Variants in IL17RC observed in about 807,000 individuals in gnomAD.
IL17RC encodes interleukin-17 receptor C.
In IL17RC, 53 loss-of-function variants were observed where a neutral mutation model predicts 86.7. The ratio of observed to expected loss-of-function variants is 0.61; its 90% confidence interval spans 0.49 to 0.77. IL17RC has a LOEUF of 0.77. Ranked by LOEUF, IL17RC falls within the 30% of genes least tolerant of loss-of-function variation. The pLI is 0.00. For missense variants in IL17RC, 957 were observed against 940.0 expected (o/e 1.02, Z -0.24); for synonymous variants, 439 against 413.1 (o/e 1.06, Z -0.76).
In IL17RC at chr3:9,917,269, G is replaced by C. The variant is rs776956738; in HGVS notation, c.-47G>C. ...CTGGGGTGTCTGCCCCCCTTGGGGG[G>C]GGGCAGCACAGGGCCTCAGGCCTGG... On this transcript the variant is annotated 5_prime_UTR_variant, in exon 1 of 19. Transcript: ENST00000403601. 190 of 1,501,174 alleles carry C rather than the reference G, an allele frequency of 1.3e-4. 1 individual carries two copies. The highest frequency in any genetic ancestry group is 1.7e-4 in the Non-Finnish European group (189 of 1,109,308). The allele number at this position is 1,501,174 out of a possible 1,614,324, so 93.0% of individuals were successfully genotyped here.
At chr3:9,931,502 T>TATATATATATATATATATAC (rs1306971037) in intron 16 of IL17RC, among the ~76,000 whole-genome samples, 2 of 145,134 alleles carry the variant, frequency 1.4e-5, no homozygotes, top group East Asian at 2.0e-4. Flanking sequence ...TATATATATA[T>TATATATATATATATATATAC]ACTTATTTTT....
Position 9,930,825 on chromosome 3 carries a change from C to A in IL17RC, c.1339-70C>A. 1 of 1,358,364 alleles carries A rather than the reference C, an allele frequency of 7.4e-7. No individual in the cohort carries two copies. The highest frequency in any genetic ancestry group is 1.1e-6 in the Non-Finnish European group (1 of 947,052). The allele number at this position is 1,358,364 out of a possible 1,614,324, so 84.1% of individuals were successfully genotyped here. On this transcript the variant is annotated intron_variant, in intron 15 of 18. Coordinates refer to ENST00000403601, the MANE Select transcript of IL17RC (RefSeq NM_153460.4). The surrounding 1 kb of genome is among the most constrained non-coding windows in gnomAD (Gnocchi z 5.8). ...TGATGCTGGGAATTTGGAGATCAGG[C>A]CACCAGAGCTTGGTGAATATTGGAA...
Position 9,930,255 on chromosome 3 carries a change from G to A in IL17RC, c.1278+106G>A. Reference sequence around the variant, plus strand: ...TGTGCCGGTCTCTGGGAACATGGGGGGTGACTCAGACCAGGGCCATATTCA... The same window carrying A: ...TGTGCCGGTCTCTGGGAACATGGGGAGTGACTCAGACCAGGGCCATATTCA... On this transcript the variant is annotated intron_variant, in intron 14 of 18. Transcript: ENST00000403601. This position sits in a 1 kb window ranked among gnomAD's most constrained non-coding sequence, Gnocchi z 5.8. 1 of 1,550,064 alleles carries A rather than the reference G, an allele frequency of 6.5e-7. No homozygotes were observed. Among genetic ancestry groups the A allele is most frequent in the Non-Finnish European group, 8.8e-7 (1 of 1,130,922 alleles).
intron 9 of IL17RC, 51 bp from the exon 10 acceptor site, chr3:9,928,115 C>T (rs1217536432): frequency 6.4e-7 from 1 of 1,571,182 alleles, no homozygotes; most frequent in Admixed American, 1.7e-5. Context: ...AGCAGAGGGC[C>T]AGGCACATGC....
Position 9,918,331 on chromosome 3 carries a change from C to T in IL17RC, c.281-4C>T. 6.3e-7 allele frequency: 1 copy of T among 1,581,760 alleles called. No homozygotes were observed. Among genetic ancestry groups the T allele is most frequent in the Non-Finnish European group, 8.6e-7 (1 of 1,164,254 alleles). ...CCCAGGGCCTTGCTCTTGGGTCCTT[C>T]TAGGGCACTGGGAAGAGCCTGAAGA... On this transcript the variant is annotated splice_region_variant and splice_polypyrimidine_tract_variant and intron_variant, in intron 3 of 18. Coordinates refer to ENST00000403601, the MANE Select transcript of IL17RC (RefSeq NM_153460.4).
At chr3:9,920,079 G>A (rs1334718735) in intron 5 of IL17RC, among the ~76,000 whole-genome samples, 1 of 152,068 alleles carries the variant, frequency 6.6e-6, no homozygotes, top group Non-Finnish European at 1.5e-5. Context: ...CTGGAGAATT[G>A]TAGACTGGGA....
chr3:9,932,929 C>T (rs763185548), intron 18 of IL17RC, 24 bp from the exon 19 acceptor site: 5 of 1,610,354 alleles, frequency 3.1e-6, no homozygotes, highest in African/African-American at 1.3e-5. Flanking sequence ...CACCTCTTCC[C>T]TCCCCATCTG....
Position 9,928,298 on chromosome 3 carries a change from C to G in IL17RC, c.878-7C>G. The G allele has an allele frequency of 6.2e-7, 1 of 1,610,418 alleles. No individual in the cohort carries two copies. On this transcript the variant is annotated splice_polypyrimidine_tract_variant and splice_region_variant and intron_variant, in intron 10 of 18. Coordinates refer to ENST00000403601, the MANE Select transcript of IL17RC (RefSeq NM_153460.4). Reference sequence around the variant, plus strand: ...TGGCCTGCGGTGACTGTGCCCTTTCCTTGCAGACCCCCGCGCACACCAGAA... The same window carrying G: ...TGGCCTGCGGTGACTGTGCCCTTTCGTTGCAGACCCCCGCGCACACCAGAA...
intron 9 of IL17RC, among the ~76,000 whole-genome samples, chr3:9,925,142 G>T (rs1225915101): frequency 1.4e-5 from 2 of 142,220 alleles, no homozygotes; most frequent in Non-Finnish European, 3.0e-5. Flanking sequence ...TTAAGACAGA[G>T]TCTTTCTCTG....
At position 9,920,983 on chromosome 3, in the gene IL17RC, C is replaced by T. The variant is rs1195264976; in HGVS notation, c.622+14C>T. 1.3e-6 allele frequency: 2 copies of T among 1,568,422 alleles called. No homozygotes were observed. Among genetic ancestry groups the T allele is most frequent in the Non-Finnish European group, 1.7e-6 (2 of 1,160,882 alleles). ...CGAGCTGCTGGGGTAGGGGCTAGGGCCAGTGGGCCGGGGGTAGGGAGGGGC... is the reference window on the plus strand; with the variant it reads ...CGAGCTGCTGGGGTAGGGGCTAGGGTCAGTGGGCCGGGGGTAGGGAGGGGC... On this transcript the variant is annotated intron_variant, in intron 7 of 18. Coordinates refer to ENST00000403601, the MANE Select transcript of IL17RC (RefSeq NM_153460.4).
chr3:9,931,511 TTTTA>T (rs2084694641), intron 16 of IL17RC, among the ~76,000 whole-genome samples: 2 of 134,128 alleles, frequency 1.5e-5, no homozygotes, highest in Admixed American at 1.5e-4. Flanking sequence ...ATACTTATTT[TTTTA>T]TTTATTTTTG....
At chr3:9,928,136 G>A (rs1276185474) in intron 9 of IL17RC, 30 bp from the exon 10 acceptor site, 2 of 1,611,546 alleles carry the variant, frequency 1.2e-6, no homozygotes, top group Admixed American at 1.7e-5. Context: ...CCATGGAGGG[G>A]ACCTGAGCAG....
chr3:9,928,891 G>A, intron 12 of IL17RC: 2 of 512,398 alleles, frequency 3.9e-6, no homozygotes, highest in Non-Finnish European at 6.9e-6. Context: ...TAAGAGAAGT[G>A]CTTCCCCTTA....
rs2083854702 is a variant in IL17RC, at chr3:9,924,232, A to T, written c.763A>T (p.Thr255Ser). The T allele has an allele frequency of 6.2e-7, 1 of 1,613,918 alleles. No homozygotes were observed. Among genetic ancestry groups the T allele is most frequent in the East Asian group, 2.2e-5 (1 of 44,870 alleles). The change falls in exon 9 of 19, where the codon ACT becomes TCT. Residue 255 changes from threonine (T) to serine (S), a missense_variant and splice_region_variant. By Grantham distance (58) the Thr-to-Ser change is moderately conservative. Transcript: ENST00000403601. ...CCTCCTTCCTTTATTTGTTCCACAG[A>T]CTGGACCGCAGATCATTACCTTGAA... is the stretch of plus-strand genomic sequence containing the variant. The part of the protein sequence containing the change: ...PPKPRWHKNL[T>S]GPQIITLNHT...
chr3:9,932,740 G>A, intron 17 of IL17RC, 37 bp downstream of exon 17: 6 of 1,611,260 alleles, frequency 3.7e-6, no homozygotes, highest in African/African-American at 1.3e-5. Flanking sequence ...CCTGGGGGAG[G>A]ACCAGAGTGG....
chr3:9,920,059 A>G (rs1331154339), intron 5 of IL17RC, among the ~76,000 whole-genome samples: 2 of 152,092 alleles, frequency 1.3e-5, no homozygotes, highest in Non-Finnish European at 2.9e-5. Flanking sequence ...GCCCCCAGCC[A>G]ATATCCTATC....
At position 9,933,545 on chromosome 3, in the gene IL17RC, A is replaced by G. The variant is rs774523156; in HGVS notation, c.2115A>G (p.Gly705=). Residue 705 remains glycine (G), a synonymous_variant, in exon 19 of 19, where the codon GGA becomes GGG. Coordinates refer to ENST00000403601, the MANE Select transcript of IL17RC (RefSeq NM_153460.4). Reference sequence around the variant, plus strand: ...ATCCCCCGGGGACTCCCGCGCCGGGACGCGGGGTGGGACCAGGCGCGGGAC... The same window carrying G: ...ATCCCCCGGGGACTCCCGCGCCGGGGCGCGGGGTGGGACCAGGCGCGGGAC... ...YFHPPGTPAP[G]RGVGPGAGPG... 6.2e-7 allele frequency: 1 copy of G among 1,606,290 alleles called. No homozygotes were observed. The highest frequency in any genetic ancestry group is 1.1e-5 in the South Asian group (1 of 90,190).
At chr3:9,923,766 C>A in intron 7 of IL17RC, 115 bp from the exon 8 acceptor site, 1 of 1,158,460 alleles carries the variant, frequency 8.6e-7, no homozygotes. Context: ...GACACACGCT[C>A]TGCCCTCCGA....
intron 12 of IL17RC, chr3:9,929,527 G>C: frequency 2.5e-6 from 1 of 394,552 alleles, no homozygotes; most frequent in Non-Finnish European, 4.7e-6. Flanking sequence ...GGGATAAGGT[G>C]GGACTGGGGT....
Sources: gnomAD v4.1 joint callset for allele counts (sites outside exome capture counted in the v4.1 genomes callset) on GRCh38, gnomAD v4.1.1 for gene constraint, Gnocchi (gnomAD v3.1) non-coding constraint, MANE v1.5 for transcripts, NCBI Gene and HGNC (gene_info 2026-07-23, HGNC 2026-07-21) for gene names.